The following CNTN5 variants were observed in gnomAD, a reference collection of about 807,000 sequenced individuals.
CNTN5 encodes contactin 5.
CNTN5 carries 77 observed loss-of-function variants against 129.1 expected under a neutral mutation model. That is an observed-to-expected ratio of 0.60 (90% CI 0.50 to 0.72). The LOEUF (loss-of-function observed/expected upper bound fraction) is 0.72. Among genes scored for constraint, CNTN5 ranks in the 30% least tolerant of loss-of-function variants. The probability of loss-of-function intolerance (pLI) is 0.00; values close to 1 mark genes in which losing one functional copy is unlikely to be tolerated. For missense variants in CNTN5, 1,478 were observed against 1,328.8 expected, an observed-to-expected ratio of 1.11 and a Z score of -1.75; for synonymous variants, 509 against 465.6, an observed-to-expected ratio of 1.09 and a Z score of -1.20.
chr11:100,337,897 C>G (rs1488572954), intron 21 of CNTN5, among the ~76,000 whole-genome samples: 1 of 152,154 alleles, frequency 6.6e-6, no homozygotes, highest in Non-Finnish European at 1.5e-5. Context: ...GCAAATAACT[C>G]TTTTATAAAT....
At chr11:99,985,435 C>A (rs1252313070) in intron 8 of CNTN5, among the ~76,000 whole-genome samples, 2 of 152,128 alleles carry the variant, frequency 1.3e-5, no homozygotes, top group South Asian at 2.1e-4. Context: ...AGTCACCTCT[C>A]TATCCTCTAC....
In CNTN5 at chr11:99,966,148, T is replaced by C. The variant is rs188074560; in HGVS notation, c.877+9139T>C. Among the ~76,000 whole-genome samples the C allele has an allele frequency of 1.9e-3, 290 of 152,276 alleles. 2 individuals are homozygous for C. Among genetic ancestry groups the C allele is most frequent in the Middle Eastern group, 0.017 (5 of 294 alleles). Reference sequence around the variant, plus strand: ...GCTAAAAAAAATCATTTCAAGAACATTGTGTTTTTACACTTCTCTGAAAAA... The same window carrying C: ...GCTAAAAAAAATCATTTCAAGAACACTGTGTTTTTACACTTCTCTGAAAAA... On this transcript the variant is annotated intron_variant, in intron 8 of 24. Transcript: ENST00000524871.
chr11:99,317,731 T>G (rs1169681670), intron 1 of CNTN5, among the ~76,000 whole-genome samples: 1 of 152,110 alleles, frequency 6.6e-6, no homozygotes, highest in African/African-American at 2.4e-5. Context: ...ACTGCTTTGA[T>G]CTTAAAAATA....
chr11:99,412,589 T>C (rs1190258306), intron 2 of CNTN5, among the ~76,000 whole-genome samples: 2 of 152,216 alleles, frequency 1.3e-5, no homozygotes, highest in African/African-American at 4.8e-5. Flanking sequence ...TGATATTTAT[T>C]ACACATAATC....
chr11:99,978,276 A>T (rs1938119994), intron 8 of CNTN5, among the ~76,000 whole-genome samples: 1 of 152,244 alleles, frequency 6.6e-6, no homozygotes, highest in Non-Finnish European at 1.5e-5. Flanking sequence ...AAAAAGTTAA[A>T]AATAAGTTTA....
chr11:99,310,793 A>C (rs1865078712), intron 1 of CNTN5, among the ~76,000 whole-genome samples: 1 of 152,292 alleles, frequency 6.6e-6, no homozygotes, highest in African/African-American at 2.4e-5. Flanking sequence ...TGAATTGCCT[A>C]TTTATATGAA....
At chr11:99,835,596 A>G (rs1487827050) in intron 4 of CNTN5, among the ~76,000 whole-genome samples, 3 of 152,208 alleles carry the variant, frequency 2.0e-5, no homozygotes, top group South Asian at 2.1e-4. Context: ...TACAACATAA[A>G]TGTGTACGTA....
intron 2 of CNTN5, among the ~76,000 whole-genome samples, chr11:99,517,974 A>C (rs919444202): frequency 1.3e-5 from 2 of 152,094 alleles, no homozygotes; most frequent in Non-Finnish European, 2.9e-5. Flanking sequence ...GATATTGGAG[A>C]ATATGAAGGG....
intron 1 of CNTN5, among the ~76,000 whole-genome samples, chr11:99,194,308 A>C (rs1858793196): frequency 6.6e-6 from 1 of 152,168 alleles, no homozygotes; most frequent in African/African-American, 2.4e-5. Context: ...ATTTTTAGGA[A>C]TAAAGAGAGA....
intron 2 of CNTN5, among the ~76,000 whole-genome samples, chr11:99,375,525 T>C (rs75117435): frequency 0.016 from 2,397 of 152,236 alleles, 64 homozygotes; most frequent in African/African-American, 0.054. Flanking sequence ...ATCAAAGTTC[T>C]TGGATGATAT....
At chr11:99,297,706 C>T (rs897882355) in intron 1 of CNTN5, among the ~76,000 whole-genome samples, 7 of 152,228 alleles carry the variant, frequency 4.6e-5, no homozygotes, top group Middle Eastern at 3.4e-3. Flanking sequence ...ATACTGGCTT[C>T]GATCTCAGGT....
intron 1 of CNTN5, among the ~76,000 whole-genome samples, chr11:99,038,132 G>A (rs1863833636): frequency 6.6e-6 from 1 of 152,052 alleles, no homozygotes; most frequent in Admixed American, 6.6e-5. Flanking sequence ...CACAGAGTGA[G>A]CTCTCAGTTA....
intron 7 of CNTN5, among the ~76,000 whole-genome samples, chr11:99,947,835 CATGAA>C (rs1467581000): frequency 6.6e-6 from 1 of 152,122 alleles, no homozygotes; most frequent in Non-Finnish European, 1.5e-5. Flanking sequence ...ATCTGCATAA[CATGAA>C]ATTAAAAGAA....
At chr11:99,409,584 A>G (rs7479989) in intron 2 of CNTN5, among the ~76,000 whole-genome samples, 5,455 of 152,342 alleles carry the variant, frequency 0.036, 328 homozygotes, top group African/African-American at 0.12. Flanking sequence ...ATCATGAATT[A>G]ATACGTTGGT....
At chr11:99,141,929 G>T (rs1859534694) in intron 1 of CNTN5, among the ~76,000 whole-genome samples, 1 of 152,154 alleles carries the variant, frequency 6.6e-6, no homozygotes, top group African/African-American at 2.4e-5. Flanking sequence ...TAGAGTATTT[G>T]CCATGTACCT....
intron 1 of CNTN5, among the ~76,000 whole-genome samples, chr11:99,053,133 T>A (rs1050602358): frequency 2.0e-5 from 3 of 151,940 alleles, no homozygotes; most frequent in Non-Finnish European, 2.9e-5. Flanking sequence ...AGGACCAATT[T>A]GCTATGCTTT....
chr11:99,800,218 T>A (rs1280684171), intron 3 of CNTN5, among the ~76,000 whole-genome samples: 2 of 152,170 alleles, frequency 1.3e-5, no homozygotes, highest in Non-Finnish European at 2.9e-5. Context: ...TTTCATTGTT[T>A]ACTTAAAAGT....
At chr11:100,115,115 TAAAAAAAAA>T (rs11388029) in intron 13 of CNTN5, among the ~76,000 whole-genome samples, 14 of 78,408 alleles carry the variant, frequency 1.8e-4, no homozygotes, top group Non-Finnish European at 2.7e-4. Flanking sequence ...AGGTATACAG[TAAAAAAAAA>T]AAAAAAAAAA....
At position 100,351,740 on chromosome 11, in the gene CNTN5, A is replaced by G. The variant is rs560526803; in HGVS notation, c.3199+870A>G. Among the ~76,000 whole-genome samples the G allele has an allele frequency of 4.6e-5, 7 of 151,392 alleles. No individual in the cohort carries two copies. In the South Asian group the frequency reaches 8.3e-4, roughly 18 times the overall value. On this transcript the variant is annotated intron_variant, in intron 24 of 24. Transcript: ENST00000524871. ...CAATTTTATGAGAACATTATGAAAC[A>G]TTTTCTCATGTACAATTAGTGGGTA...
Sources: gnomAD v4.1 joint callset for allele counts (sites outside exome capture counted in the v4.1 genomes callset) on GRCh38, gnomAD v4.1.1 for gene constraint, MANE v1.5 for transcripts, NCBI Gene and HGNC (gene_info 2026-07-23, HGNC 2026-07-21) for gene names.